The following PDE3A variants were observed in gnomAD, a reference collection of about 807,000 sequenced individuals.
PDE3A encodes cGMP-inhibited 3',5'-cyclic phosphodiesterase 3A.
Under a neutral mutation model 98.3 loss-of-function variants are expected in PDE3A, and 43 were observed. That is an observed-to-expected ratio of 0.44 (90% CI 0.34 to 0.56). PDE3A has a LOEUF of 0.56. Among genes scored for constraint, PDE3A ranks in the 20% least tolerant of loss-of-function variants. The probability of loss-of-function intolerance (pLI) is 0.01; values close to 1 mark genes in which losing one functional copy is unlikely to be tolerated. For missense variants in PDE3A, 1,427 were observed against 1,440.7 expected (o/e 0.99, Z 0.15); for synonymous variants, 663 against 567.9 (o/e 1.17, Z -2.38).
At chr12:20,605,979 T>C (rs1943701845) in intron 2 of PDE3A, among the ~76,000 whole-genome samples, 1 of 152,208 alleles carries the variant, frequency 6.6e-6, no homozygotes, top group Non-Finnish European at 1.5e-5. Context: ...TAATCTGTGA[T>C]TTAAAATATG....
chr12:20,408,732 A>G (rs1944279583), intron 1 of PDE3A, among the ~76,000 whole-genome samples: 1 of 152,214 alleles, frequency 6.6e-6, no homozygotes, highest in African/African-American at 2.4e-5. Flanking sequence ...CTGAGTGATT[A>G]CATAATTTAT....
In PDE3A at chr12:20,666,615, C is replaced by A. The variant is rs190535864; in HGVS notation, c.3184+12410C>A. Among the ~76,000 whole-genome samples, 15 of 152,166 alleles carry A rather than the reference C, an allele frequency of 9.9e-5. No homozygotes were observed. The East Asian group carries it at 1.5e-3, about 16-fold the overall frequency. ...ATGCTGCAAATGTCATAATTTTATT[C>A]TTTTTATGTCTGAATATTATTCCAT... On this transcript the variant is annotated intron_variant, in intron 15 of 15. Transcript: ENST00000359062.
chr12:20,667,153 T>C (rs1372723347), intron 15 of PDE3A, among the ~76,000 whole-genome samples: 1 of 152,158 alleles, frequency 6.6e-6, no homozygotes. Context: ...TGTTGCTTGA[T>C]TTTCTTGTAT....
intron 15 of PDE3A, among the ~76,000 whole-genome samples, chr12:20,669,238 G>A (rs1265022603): frequency 1.3e-5 from 2 of 152,028 alleles, no homozygotes; most frequent in African/African-American, 2.4e-5. Flanking sequence ...GTACCTGAAA[G>A]TGATGGGGAG....
At chr12:20,538,972 C>A (rs777835503) in intron 1 of PDE3A, among the ~76,000 whole-genome samples, 1 of 151,498 alleles carries the variant, frequency 6.6e-6, no homozygotes, top group Non-Finnish European at 1.5e-5. Flanking sequence ...CTGGACAACA[C>A]CAATCAGTTA....
chr12:20,522,898 T>C (rs1163051357), intron 1 of PDE3A, among the ~76,000 whole-genome samples: 2 of 152,086 alleles, frequency 1.3e-5, no homozygotes, highest in Admixed American at 6.6e-5. Context: ...TGTGAAGCTA[T>C]ATTTGTGAGT....
chr12:20,655,250 C>A (rs908814272), intron 15 of PDE3A, among the ~76,000 whole-genome samples: 2 of 151,882 alleles, frequency 1.3e-5, no homozygotes, highest in African/African-American at 4.8e-5. Flanking sequence ...AGATGTAAAG[C>A]AGGGAAAGAT....
chr12:20,525,318 T>A (rs933691752), intron 1 of PDE3A, among the ~76,000 whole-genome samples: 19 of 152,202 alleles, frequency 1.2e-4, no homozygotes, highest in Non-Finnish European at 2.4e-4. Context: ...TTTACTATTC[T>A]TGTTACTATC....
intron 1 of PDE3A, among the ~76,000 whole-genome samples, chr12:20,527,463 A>G (rs1490766633): frequency 6.6e-6 from 1 of 152,186 alleles, no homozygotes; most frequent in East Asian, 1.9e-4. Context: ...AGTGAGTGCC[A>G]GATAAATAGA....
intron 1 of PDE3A, among the ~76,000 whole-genome samples, chr12:20,528,080 G>A (rs938891341): frequency 6.6e-6 from 1 of 152,108 alleles, no homozygotes; most frequent in African/African-American, 2.4e-5. Flanking sequence ...TGATTAAAGG[G>A]TACATAGGCT....
intron 1 of PDE3A, among the ~76,000 whole-genome samples, chr12:20,398,462 C>T (rs1029283432): frequency 2.0e-5 from 3 of 151,846 alleles, no homozygotes; most frequent in African/African-American, 7.3e-5. Flanking sequence ...TTTTGAAAAT[C>T]TGTCTTGAGT....
rs574739641 is a variant in PDE3A, at chr12:20,663,329, G to A, written c.3184+9124G>A. The stretch of plus-strand genomic sequence containing the variant: ...GTTCCTACTGGTGCACTGCACAGTG[G>A]AGCTGTAAGAAGAGGGCCATTGTCC... On this transcript the variant is annotated intron_variant, in intron 15 of 15. Transcript: ENST00000359062. Among the ~76,000 whole-genome samples, 12 of 152,326 alleles carry A rather than the reference G, an allele frequency of 7.9e-5. No individual in the cohort carries two copies. The South Asian group carries it at 2.5e-3, about 32-fold the overall frequency.
chr12:20,448,065 A>T (rs993034390), intron 1 of PDE3A, among the ~76,000 whole-genome samples: 1 of 152,166 alleles, frequency 6.6e-6, no homozygotes, highest in Admixed American at 6.5e-5. Flanking sequence ...GGAAAGATGG[A>T]TCTGTCATTT....
chr12:20,369,667 C>G lies in PDE3A; in HGVS notation c.383C>G (p.Pro128Arg). The G allele has an allele frequency of 6.2e-7, 1 of 1,607,184 alleles. No individual in the cohort carries two copies. The highest frequency in any genetic ancestry group is 8.5e-7 in the Non-Finnish European group (1 of 1,177,684). The change falls in exon 1 of 16, where the codon CCC becomes CGC. Residue 128 changes from proline (P) to arginine (R), a missense_variant. Physicochemically the swap from Pro to Arg is moderately radical, Grantham distance 103. This residue lies in a region of PDE3A where 1,012 missense variants were observed against 886.5 expected (regional missense o/e 1.14). Coordinates refer to ENST00000359062, the MANE Select transcript of PDE3A (RefSeq NM_000921.5). ...CCCGGGGGCGGTGCGCGGCTCAGCCCCTGGCTGCAGCCCTCGGCGCTGCTC... is the reference window on the plus strand; with the variant it reads ...CCCGGGGGCGGTGCGCGGCTCAGCCGCTGGCTGCAGCCCTCGGCGCTGCTC... ...GAPGGGARLS[P>R]WLQPSALLFS... is the part of the protein sequence containing the mutation.
At chr12:20,471,002 C>T (rs1487202897) in intron 1 of PDE3A, among the ~76,000 whole-genome samples, 3 of 151,978 alleles carry the variant, frequency 2.0e-5, no homozygotes, top group Non-Finnish European at 2.9e-5. Flanking sequence ...AGGAGCAAGC[C>T]GTCATTAGAC....
At chr12:20,469,241 A>G (rs1166655977) in intron 1 of PDE3A, among the ~76,000 whole-genome samples, 1 of 152,096 alleles carries the variant, frequency 6.6e-6, no homozygotes, top group Non-Finnish European at 1.5e-5. Context: ...ATATTTTTCA[A>G]ATTTTCCTAG....
At chr12:20,400,204 A>G (rs1288826396) in intron 1 of PDE3A, among the ~76,000 whole-genome samples, 1 of 151,836 alleles carries the variant, frequency 6.6e-6, no homozygotes, top group African/African-American at 2.4e-5. Flanking sequence ...TGTCCGACTG[A>G]GCTCTATTTT....
At position 20,634,995 on chromosome 12, in the gene PDE3A, G is replaced by C; in HGVS notation, c.1940G>C (p.Arg647Thr). Reference sequence around the variant, plus strand: ...AATGAAGATGAAACAGAGTGCCTGAGAGAGCCTCTGAGGAAAGCATCGGCT... The same window carrying C: ...AATGAAGATGAAACAGAGTGCCTGACAGAGCCTCTGAGGAAAGCATCGGCT... ...VQNEDETECL[R>T]EPLRKASACS... The change falls in exon 8 of 16, where the codon AGA becomes ACA. Residue 647 changes from arginine to threonine, a missense_variant. By Grantham distance (71) the Arg-to-Thr change is moderately conservative. Around this residue, in one of 3 missense-constraint regions of PDE3A, gnomAD observed 1,012 missense variants for 886.5 expected, o/e 1.14. Coordinates refer to ENST00000359062, the MANE Select transcript of PDE3A (RefSeq NM_000921.5). 6.2e-7 allele frequency: 1 copy of C among 1,613,504 alleles called. No individual in the cohort carries two copies. The highest frequency in any genetic ancestry group is 8.5e-7 in the Non-Finnish European group (1 of 1,179,458).
intron 4 of PDE3A, among the ~76,000 whole-genome samples, chr12:20,618,409 A>G (rs566840417): frequency 2.4e-5 from 3 of 123,458 alleles, no homozygotes; most frequent in South Asian, 3.6e-4. Context: ...GAAGGACTAC[A>G]TTGATCAAAA....
Sources: allele counts gnomAD v4.1 joint callset (sites outside exome capture counted in the v4.1 genomes callset), GRCh38; gene constraint gnomAD v4.1.1; regional missense constraint gnomAD v4.1.1; transcripts MANE v1.5; gene names NCBI Gene and HGNC (gene_info 2026-07-23, HGNC 2026-07-21).